CNTNAP2: variants seen among roughly 807,000 people sequenced by gnomAD.
CNTNAP2 encodes the protein contactin-associated protein-like 2.
CNTNAP2 carries 98 observed loss-of-function variants against 155.2 expected under a neutral mutation model. That is an observed-to-expected ratio of 0.63 (90% confidence interval 0.54 to 0.75). CNTNAP2 has a LOEUF of 0.75. CNTNAP2 is among the 30% of genes least tolerant of loss of function. CNTNAP2 has a pLI of 0.00. For missense variants in CNTNAP2, 1,727 were observed against 1,688.1 expected (o/e 1.02, Z -0.40); for synonymous variants, 651 against 631.2 (o/e 1.03, Z -0.47).
chr7:146,966,701 T>G lies in CNTNAP2; in HGVS notation c.403-77206T>G, dbSNP rs12666295. ...ACAAGCATCCAATTCACAATGCAAA[T>G]GTACTCAGGAAAAGATGATGCTTGA... On this transcript the variant is annotated intron_variant, in intron 3 of 23. Coordinates refer to ENST00000361727, the MANE Select transcript of CNTNAP2 (RefSeq NM_014141.6). Among the ~76,000 whole-genome samples, 10 of 152,122 alleles carry G rather than the reference T, an allele frequency of 6.6e-5. No individual in the cohort carries two copies. In the East Asian group the frequency reaches 1.9e-3, roughly 29 times the overall value.
intron 1 of CNTNAP2, among the ~76,000 whole-genome samples, chr7:146,252,709 G>A (rs1563008971): frequency 6.6e-6 from 1 of 152,016 alleles, no homozygotes; most frequent in Non-Finnish European, 1.5e-5. Context: ...TATGTTTTAG[G>A]ATACCCATTG....
At chr7:147,013,626 A>G (rs1387167702) in intron 3 of CNTNAP2, among the ~76,000 whole-genome samples, 1 of 152,068 alleles carries the variant, frequency 6.6e-6, no homozygotes, top group African/African-American at 2.4e-5. Context: ...CATTGCTACA[A>G]TACTTCATCC....
At chr7:147,532,066 C>G (rs754563358) in intron 11 of CNTNAP2, among the ~76,000 whole-genome samples, 1 of 152,150 alleles carries the variant, frequency 6.6e-6, no homozygotes, top group Non-Finnish European at 1.5e-5. Flanking sequence ...CTCGGCCTCC[C>G]AAAGTGCTGG....
chr7:146,738,581 T>C (rs757334423), intron 1 of CNTNAP2, among the ~76,000 whole-genome samples: 3 of 151,964 alleles, frequency 2.0e-5, no homozygotes, highest in Admixed American at 6.6e-5. Context: ...CTAAAAAGTT[T>C]TATTGCCCTG....
intron 22 of CNTNAP2, among the ~76,000 whole-genome samples, chr7:148,389,325 A>G (rs966854657): frequency 6.6e-5 from 10 of 152,128 alleles, no homozygotes; most frequent in Non-Finnish European, 8.8e-5. Context: ...AAGTCTCACA[A>G]GATCTGATGG....
intron 20 of CNTNAP2, among the ~76,000 whole-genome samples, chr7:148,245,628 G>A (rs1220033527): frequency 6.6e-6 from 1 of 152,138 alleles, no homozygotes; most frequent in Non-Finnish European, 1.5e-5. Flanking sequence ...AAGATAGAGC[G>A]GGCTCAGGGT....
chr7:148,196,285 G>C (rs1004817020), intron 18 of CNTNAP2, among the ~76,000 whole-genome samples: 1 of 152,166 alleles, frequency 6.6e-6, no homozygotes, highest in Non-Finnish European at 1.5e-5. Flanking sequence ...AATGCAGTTT[G>C]AATAGCTTGT....
chr7:147,381,329 G>A (rs944551705), intron 9 of CNTNAP2, among the ~76,000 whole-genome samples: 6 of 151,908 alleles, frequency 3.9e-5, no homozygotes, highest in Non-Finnish European at 5.9e-5. Flanking sequence ...TCCAACCACC[G>A]GCATTGTATT....
chr7:147,231,935 C>A (rs1803689716), intron 8 of CNTNAP2, among the ~76,000 whole-genome samples: 2 of 152,078 alleles, frequency 1.3e-5, no homozygotes, highest in South Asian at 4.1e-4. Context: ...TGTGTGGATA[C>A]TTTTTAGTTT....
intron 8 of CNTNAP2, among the ~76,000 whole-genome samples, chr7:147,267,981 T>TG (rs1054409276): frequency 2.6e-5 from 4 of 152,306 alleles, no homozygotes; most frequent in Admixed American, 2.0e-4. Context: ...TGAGAAGCAG[T>TG]GGAAGGTTCC....
At chr7:146,628,810 T>C (rs542598928) in intron 1 of CNTNAP2, among the ~76,000 whole-genome samples, 1 of 152,128 alleles carries the variant, frequency 6.6e-6, no homozygotes, top group Admixed American at 6.6e-5. Context: ...GATCAAAGTG[T>C]TAAGAATCAT....
chr7:147,757,365 A>G (rs1008840610), intron 13 of CNTNAP2, among the ~76,000 whole-genome samples: 30 of 152,332 alleles, frequency 2.0e-4, no homozygotes, highest in African/African-American at 7.2e-4. Context: ...CAAAGAAACA[A>G]AATTCCAGGC....
intron 1 of CNTNAP2, among the ~76,000 whole-genome samples, chr7:146,487,281 AT>A (rs1797071495): frequency 1.3e-5 from 2 of 152,216 alleles, no homozygotes; most frequent in African/African-American, 2.4e-5. Flanking sequence ...TGCCCAGTTG[AT>A]TCTGACAAGC....
At chr7:146,370,784 T>C (rs1014438551) in intron 1 of CNTNAP2, among the ~76,000 whole-genome samples, 1 of 152,152 alleles carries the variant, frequency 6.6e-6, no homozygotes, top group African/African-American at 2.4e-5. Context: ...TGTGTGTACT[T>C]ATAGAATAAT....
At chr7:146,200,495 CATATAT>C (rs10631041) in intron 1 of CNTNAP2, among the ~76,000 whole-genome samples, 5 of 142,460 alleles carry the variant, frequency 3.5e-5, no homozygotes, top group Non-Finnish European at 6.1e-5. Context: ...TCCGTCTAAA[CATATAT>C]ATATATATAC....
chr7:148,395,498 C>T (rs1466979355), intron 22 of CNTNAP2, among the ~76,000 whole-genome samples: 2 of 152,080 alleles, frequency 1.3e-5, no homozygotes, highest in South Asian at 2.1e-4. Context: ...TAGAGGCTGG[C>T]GTAAGTTGCC....
chr7:147,984,788 G>A (rs1237272829), intron 15 of CNTNAP2, among the ~76,000 whole-genome samples: 3 of 152,046 alleles, frequency 2.0e-5, no homozygotes, highest in African/African-American at 7.2e-5. Flanking sequence ...TTGGGAGCAG[G>A]GGAGGAGAGG....
chr7:147,396,386 C>T (rs1796817138), intron 10 of CNTNAP2, among the ~76,000 whole-genome samples: 1 of 151,648 alleles, frequency 6.6e-6, no homozygotes, highest in African/African-American at 2.4e-5. Context: ...CATGTGCCTT[C>T]CAAAACCCGC....
chr7:147,670,503 T>C (rs1433707830), intron 13 of CNTNAP2, among the ~76,000 whole-genome samples: 1 of 152,164 alleles, frequency 6.6e-6, no homozygotes, highest in Non-Finnish European at 1.5e-5. Context: ...CCTGTGCCTA[T>C]AAAAACCTCA....
Sources: allele counts gnomAD v4.1 joint callset (sites outside exome capture counted in the v4.1 genomes callset), GRCh38; gene constraint gnomAD v4.1.1; transcripts MANE v1.5; gene names NCBI Gene and HGNC (gene_info 2026-07-23, HGNC 2026-07-21).